SLC39A10: variants seen among roughly 807,000 people sequenced by gnomAD.
SLC39A10 encodes zinc transporter ZIP10.
A neutral mutation model predicts 65.1 loss-of-function variants in SLC39A10; 13 were observed. That is an observed-to-expected ratio of 0.20 (90% CI 0.13 to 0.32). The LOEUF (loss-of-function observed/expected upper bound fraction) is 0.32. Ranked by LOEUF, SLC39A10 falls within the 10% of genes least tolerant of loss-of-function variation. The pLI is 1.00. For synonymous variants in SLC39A10, 321 were observed against 342.2 expected (o/e 0.94, Z 0.68); for missense variants, 831 against 1,018.4 (o/e 0.82, Z 2.50).
intron 2 of SLC39A10, among the ~76,000 whole-genome samples, chr2:195,615,459 G>C (rs1046209580): frequency 1.3e-5 from 2 of 152,062 alleles, no homozygotes; most frequent in Non-Finnish European, 2.9e-5. Context: ...CACTATGACC[G>C]GCCATCTGGC....
At chr2:195,625,238 G>GAAAGAAAGAAAGA in intron 2 of SLC39A10, among the ~76,000 whole-genome samples, 1 of 149,322 alleles carries the variant, frequency 6.7e-6, no homozygotes, top group South Asian at 2.2e-4. Context: ...AAGAAAGAAA[G>GAAAGAAAGAAAGA]AAAGAAAGAT....
chr2:195,720,099 G>A (rs1360136763), intron 8 of SLC39A10, among the ~76,000 whole-genome samples: 7 of 150,978 alleles, frequency 4.6e-5, no homozygotes, highest in African/African-American at 1.5e-4. Context: ...CATAATTTTT[G>A]TATTTTTAGT....
chr2:195,701,975 C>T (rs1044105574), intron 3 of SLC39A10, among the ~76,000 whole-genome samples: 10 of 152,204 alleles, frequency 6.6e-5, no homozygotes, highest in African/African-American at 2.2e-4. Context: ...GCCACTGCAC[C>T]TAGCCTATCT....
intron 3 of SLC39A10, among the ~76,000 whole-genome samples, chr2:195,705,373 TTATC>T (rs774277754): frequency 6.4e-4 from 98 of 152,226 alleles, no homozygotes; most frequent in Admixed American, 1.3e-3. Context: ...TAGTGATAGA[TTATC>T]TATTGTTTTA....
intron 3 of SLC39A10, among the ~76,000 whole-genome samples, chr2:195,695,306 C>A (rs1690907170): frequency 6.6e-6 from 1 of 152,162 alleles, no homozygotes; most frequent in Non-Finnish European, 1.5e-5. Flanking sequence ...ATGTGGTTCC[C>A]AGGCCAATGG....
chr2:195,713,439 CAG>C lies in SLC39A10; in HGVS notation c.1584_1585del (p.Lys529MetfsTer28). 1 of 1,543,324 alleles carries C rather than the reference CAG, an allele frequency of 6.5e-7. No individual in the cohort carries two copies. Among genetic ancestry groups the C allele is most frequent in the Non-Finnish European group, 8.7e-7 (1 of 1,154,844 alleles). ...ATTTTTTTTCTTTTTTTAGGGAAAA[CAG>C]AAATGGTTTATGAAACAGAACACAG... ...FKHYKQQRGK[Q>X]KWFMKQNTEE... On this transcript the variant is annotated frameshift_variant, in exon 6 of 10. Coordinates refer to ENST00000359634, the MANE Select transcript of SLC39A10 (RefSeq NM_020342.3). LOFTEE classifies it high-confidence loss of function.
intron 1 of SLC39A10, among the ~76,000 whole-genome samples, chr2:195,665,045 C>A (rs1205050839): frequency 6.6e-6 from 1 of 151,952 alleles, no homozygotes; most frequent in African/African-American, 2.4e-5. Context: ...AGTGTGAGGT[C>A]GGGCACGGTG....
upstream of SLC39A10, among the ~76,000 whole-genome samples, chr2:195,652,134 A>G (rs1689044212): frequency 6.6e-6 from 1 of 152,186 alleles, no homozygotes; most frequent in Non-Finnish European, 1.5e-5. Flanking sequence ...GGTGGATTCG[A>G]AGATTTTCTG....
At position 195,688,743 on chromosome 2, in the gene SLC39A10, G is replaced by A. The variant is rs529837300; in HGVS notation, c.1216+4837G>A. Among the ~76,000 whole-genome samples, 17 of 152,276 alleles carry A rather than the reference G, an allele frequency of 1.1e-4. No homozygotes were observed. The East Asian group carries it at 2.7e-3, about 24-fold the overall frequency. On this transcript the variant is annotated intron_variant, in intron 3 of 9. Coordinates refer to ENST00000359634, the MANE Select transcript of SLC39A10 (RefSeq NM_020342.3). ...TTTACTCCTTATTTGGGACTGGCAG[G>A]AGTAAGTGACAATGTGTGTTACATG...
At chr2:195,669,107 G>GCCTCT (rs1293132123) in intron 1 of SLC39A10, among the ~76,000 whole-genome samples, 2 of 151,458 alleles carry the variant, frequency 1.3e-5, no homozygotes, top group African/African-American at 4.8e-5. Context: ...AAGTTGATTG[G>GCCTCT]CCTCTCCAGC....
In SLC39A10 at chr2:195,617,432, C is replaced by T. The variant is rs532759508; in HGVS notation, c.-12+11199C>T. 3.3e-5 allele frequency among the ~76,000 whole-genome samples: 5 copies of T among 151,944 alleles called. No individual in the cohort carries two copies. The East Asian group carries it at 5.9e-4, about 18-fold the overall frequency. ...AAAAAATTAGCCGGGTGTGGTGGCACGCACCTGTAGTCCCAGCTACTCGGG... is the reference window on the plus strand; with the variant it reads ...AAAAAATTAGCCGGGTGTGGTGGCATGCACCTGTAGTCCCAGCTACTCGGG... On this transcript the variant is annotated intron_variant, in intron 2 of 2. Transcript: ENST00000458054.
At chr2:195,631,056 GCAGGCACCT>G (rs1297451881) in intron 2 of SLC39A10, among the ~76,000 whole-genome samples, 11 of 152,102 alleles carry the variant, frequency 7.2e-5, no homozygotes, top group Non-Finnish European at 1.3e-4. Context: ...AGGCACGGTG[GCAGGCACCT>G]GTAATTCCAG....
chr2:195,700,614 C>G (rs1255698254), intron 3 of SLC39A10, among the ~76,000 whole-genome samples: 1 of 152,210 alleles, frequency 6.6e-6, no homozygotes, highest in African/African-American at 2.4e-5. Context: ...TGGCAACAAA[C>G]TCCCTCAGCT....
intron 2 of SLC39A10, among the ~76,000 whole-genome samples, chr2:195,683,042 A>C (rs1690390013): frequency 6.6e-6 from 1 of 152,062 alleles, no homozygotes; most frequent in Non-Finnish European, 1.5e-5. Context: ...CCGTAATATT[A>C]GATACTTGTT....
intron 3 of SLC39A10, among the ~76,000 whole-genome samples, chr2:195,701,762 G>A (rs1013923191): frequency 2.6e-5 from 4 of 151,878 alleles, no homozygotes; most frequent in African/African-American, 4.8e-5. Flanking sequence ...GCTCACTACA[G>A]CCTCAACCTT....
At chr2:195,616,216 A>G (rs953133684) in intron 2 of SLC39A10, among the ~76,000 whole-genome samples, 1 of 152,152 alleles carries the variant, frequency 6.6e-6, no homozygotes, top group Middle Eastern at 3.4e-3. Flanking sequence ...CGGCCTCCCA[A>G]AGTGTTAGGA....
Position 195,703,136 on chromosome 2 carries a change from A to G in SLC39A10, c.1217-3480A>G, listed in dbSNP as rs1691256037. ...AAATTTCTCCTCCCTCCCCTTTGAA[A>G]TACCCCCTATCTCATAGAACTAATG... is the stretch of plus-strand genomic sequence containing the variant. On this transcript the variant is annotated intron_variant, in intron 3 of 9. Coordinates refer to ENST00000359634, the MANE Select transcript of SLC39A10 (RefSeq NM_020342.3). Among the ~76,000 whole-genome samples the G allele has an allele frequency of 2.0e-5, 3 of 152,284 alleles. No homozygotes were observed. The South Asian group carries it at 6.2e-4, about 32-fold the overall frequency.
chr2:195,695,329 A>C (rs1448235020), intron 3 of SLC39A10, among the ~76,000 whole-genome samples: 2 of 152,096 alleles, frequency 1.3e-5, no homozygotes, highest in Admixed American at 6.5e-5. Context: ...TTTTGTTCCC[A>C]GGGGGATTAT....
intron 1 of SLC39A10, among the ~76,000 whole-genome samples, chr2:195,659,390 C>G (rs1689293853): frequency 6.6e-6 from 1 of 152,144 alleles, no homozygotes; most frequent in Non-Finnish European, 1.5e-5. Flanking sequence ...ATTTGAAGTA[C>G]TTTGAGTAGG....
Sources: gnomAD v4.1 joint callset for allele counts (sites outside exome capture counted in the v4.1 genomes callset) on GRCh38, gnomAD v4.1.1 for gene constraint, MANE v1.5 for transcripts, NCBI Gene and HGNC (gene_info 2026-07-23, HGNC 2026-07-21) for gene names.